The following FBXO11 variants were observed in gnomAD, a reference collection of about 807,000 sequenced individuals.
FBXO11 encodes the protein F-box protein 11, also known as F-box only protein 11.
FBXO11 carries 13 observed loss-of-function variants against 117.0 expected under a neutral mutation model. The ratio of observed to expected loss-of-function variants is 0.11; its 90% CI spans 0.07 to 0.18. The LOEUF is 0.18. Ranked by LOEUF, FBXO11 falls within the 10% of genes least tolerant of loss-of-function variation. The pLI is 1.00. For missense variants in FBXO11, 767 were observed against 1,164.4 expected (o/e 0.66, Z 4.97); for synonymous variants, 490 against 380.5 (o/e 1.29, Z -3.35).
chr2:47,864,170 A>C (rs1486667326), intron 1 of FBXO11, among the ~76,000 whole-genome samples: 1 of 152,220 alleles, frequency 6.6e-6, no homozygotes, highest in Non-Finnish European at 1.5e-5. Flanking sequence ...GTTAAACAGA[A>C]TCCCTCCTAA....
chr2:47,843,001 G>A (rs1391365710), intron 1 of FBXO11, among the ~76,000 whole-genome samples: 1 of 152,086 alleles, frequency 6.6e-6, no homozygotes, highest in East Asian at 1.9e-4. Context: ...GTGCAGGCTA[G>A]TCTCAAAACT....
At position 47,906,022 on chromosome 2, in the gene FBXO11, A is replaced by T. The variant is rs956278144; in HGVS notation, c.-302T>A. 1.2e-5 allele frequency: 3 copies of T among 258,884 alleles called. No individual in the cohort carries two copies. Among genetic ancestry groups the T allele is most frequent in the African/African-American group, 6.9e-5 (3 of 43,378 alleles). 16.0% of individuals were successfully genotyped at this position (258,884 alleles called of 1,614,324 possible). The stretch of plus-strand genomic sequence containing the variant: ...GGCAGAAAGACGGGCAGACCGAGAG[A>T]AAGAAAGAAAGGGCGTCCGCCGCTT... On this transcript the variant is annotated 5_prime_UTR_variant, in exon 1 of 23. Coordinates refer to ENST00000403359, the MANE Select transcript of FBXO11 (RefSeq NM_001190274.2).
chr2:47,830,150 C>T (rs1425698659), intron 11 of FBXO11, among the ~76,000 whole-genome samples: 1 of 152,040 alleles, frequency 6.6e-6, no homozygotes, highest in Non-Finnish European at 1.5e-5. Flanking sequence ...AACAATACAT[C>T]AGCAAAAGCC....
At chr2:47,850,532 G>A (rs1176870199) in intron 1 of FBXO11, among the ~76,000 whole-genome samples, 2 of 152,126 alleles carry the variant, frequency 1.3e-5, no homozygotes, top group African/African-American at 4.8e-5. Context: ...TTCAATTTTT[G>A]AGAGGCAGCC....
At chr2:47,886,384 T>C (rs1189534475) in intron 1 of FBXO11, among the ~76,000 whole-genome samples, 1 of 151,446 alleles carries the variant, frequency 6.6e-6, no homozygotes, top group African/African-American at 2.4e-5. Flanking sequence ...CGTGTGCCTG[T>C]AATCCCAGCT....
At chr2:47,848,812 T>A (rs1210508122) in intron 1 of FBXO11, among the ~76,000 whole-genome samples, 1 of 152,222 alleles carries the variant, frequency 6.6e-6, no homozygotes, top group Non-Finnish European at 1.5e-5. Context: ...CTGTCTTGAC[T>A]CTATTTATTC....
chr2:47,890,069 G>A (rs1677148439), intron 1 of FBXO11, among the ~76,000 whole-genome samples: 1 of 152,160 alleles, frequency 6.6e-6, no homozygotes, highest in African/African-American at 2.4e-5. Context: ...TACTGCCTCA[G>A]TCTCCTGAGT....
chr2:47,861,272 T>C (rs1283546024), intron 1 of FBXO11, among the ~76,000 whole-genome samples: 1 of 152,008 alleles, frequency 6.6e-6, no homozygotes. Context: ...GTAGATATTG[T>C]AATTGACTTC....
chr2:47,836,066 C>A, intron 4 of FBXO11, 65 bp from the exon 5 acceptor site: 2 of 1,178,064 alleles, frequency 1.7e-6, no homozygotes, highest in Non-Finnish European at 2.3e-6. Context: ...CAGTTTTGAA[C>A]AACTATAACA....
At chr2:47,838,817 A>C (rs1465467038) in intron 4 of FBXO11, 42 bp downstream of exon 4, 1 of 1,581,552 alleles carries the variant, frequency 6.3e-7, no homozygotes, top group Admixed American at 1.7e-5. Context: ...TTGGGCAACA[A>C]ATAACATATC....
intron 18 of FBXO11, 90 bp downstream of exon 18, chr2:47,813,144 T>G (rs772903417): frequency 1.4e-5 from 18 of 1,288,862 alleles, no homozygotes; most frequent in Non-Finnish European, 2.0e-5. Context: ...CACTCATTTA[T>G]AACTTAGTTA....
intron 1 of FBXO11, among the ~76,000 whole-genome samples, chr2:47,877,728 A>C (rs572235846): frequency 1.1e-4 from 17 of 152,274 alleles, no homozygotes; most frequent in African/African-American, 3.8e-4. Flanking sequence ...TTTGTCGCCC[A>C]GGCTGGAATG....
At chr2:47,895,540 T>C (rs116712333) in intron 1 of FBXO11, among the ~76,000 whole-genome samples, 2,019 of 152,340 alleles carry the variant, frequency 0.013, 34 homozygotes, top group African/African-American at 0.044. Flanking sequence ...ATACTAGTAG[T>C]GCTTTATTCC....
chr2:47,810,176 G>T, intron 19 of FBXO11, 140 bp downstream of exon 19: 2 of 586,716 alleles, frequency 3.4e-6, no homozygotes, highest in Non-Finnish European at 2.9e-6. Context: ...AGGTGCTCTT[G>T]TAAGTGAATG....
chr2:47,860,632 C>T (rs539062059), intron 1 of FBXO11, among the ~76,000 whole-genome samples: 8 of 151,600 alleles, frequency 5.3e-5, no homozygotes, highest in Non-Finnish European at 8.8e-5. Flanking sequence ...GTCTCGAACT[C>T]CTGAACTCAG....
intron 1 of FBXO11, among the ~76,000 whole-genome samples, chr2:47,840,403 C>T (rs1288519701): frequency 1.3e-5 from 2 of 150,996 alleles, no homozygotes; most frequent in African/African-American, 4.9e-5. Context: ...GCATGAGATA[C>T]CAGGTAGGTT....
chr2:47,825,906 G>C (rs776192755), intron 11 of FBXO11, among the ~76,000 whole-genome samples: 1 of 151,614 alleles, frequency 6.6e-6, no homozygotes, highest in Non-Finnish European at 1.5e-5. Flanking sequence ...CTTTTACAGC[G>C]CTGCAAGCAA....
chr2:47,876,760 T>C (rs375981807), intron 1 of FBXO11, among the ~76,000 whole-genome samples: 2 of 152,208 alleles, frequency 1.3e-5, no homozygotes, highest in South Asian at 4.1e-4. Context: ...CAGTGCGCTA[T>C]TTCAATATGA....
intron 1 of FBXO11, among the ~76,000 whole-genome samples, chr2:47,845,111 CT>C (rs1673306146): frequency 6.6e-6 from 1 of 152,150 alleles, no homozygotes. Flanking sequence ...CCTTCACCTT[CT>C]TAAAATCTGT....
Sources: allele counts gnomAD v4.1 joint callset (sites outside exome capture counted in the v4.1 genomes callset), GRCh38; gene constraint gnomAD v4.1.1; transcripts MANE v1.5; gene names NCBI Gene and HGNC (gene_info 2026-07-23, HGNC 2026-07-21).